Variants in CDYL observed in about 807,000 individuals in gnomAD.
CDYL encodes the protein chromodomain Y-like protein.
In CDYL, 8 loss-of-function variants were observed where a neutral mutation model predicts 47.3. The observed-to-expected ratio is 0.17, with a 90% confidence interval of 0.10 to 0.31. The LOEUF is 0.31. CDYL is among the 10% of genes least tolerant of loss of function. The pLI is 1.00. For synonymous variants in CDYL, 266 were observed against 265.0 expected, an observed-to-expected ratio of 1.00 and a Z score of -0.04; for missense variants, 471 against 701.4, an observed-to-expected ratio of 0.67 and a Z score of 3.71.
At chr6:4,796,640 AT>A (rs1291643366) in intron 1 of CDYL, among the ~76,000 whole-genome samples, 7 of 152,072 alleles carry the variant, frequency 4.6e-5, no homozygotes, top group Non-Finnish European at 7.4e-5. Context: ...CACTTAATGA[AT>A]TTTTCCCTTA....
intron 1 of CDYL, among the ~76,000 whole-genome samples, chr6:4,799,626 G>A (rs1442177433): frequency 6.6e-6 from 1 of 151,944 alleles, no homozygotes; most frequent in African/African-American, 2.4e-5. Context: ...TTGTAGAGAT[G>A]GGGTTTCATG....
chr6:4,827,316 A>G (rs768686666), intron 1 of CDYL, among the ~76,000 whole-genome samples: 27 of 152,154 alleles, frequency 1.8e-4, no homozygotes, highest in Non-Finnish European at 2.9e-5. Context: ...CACTTCTTCC[A>G]TGTTGCTATT....
chr6:4,779,784 A>G (rs59124798), intron 1 of CDYL, among the ~76,000 whole-genome samples: 3,470 of 152,236 alleles, frequency 0.023, 93 homozygotes, highest in South Asian at 0.11. Flanking sequence ...CATATTTTAG[A>G]CTTGTGGGTT....
intron 2 of CDYL, among the ~76,000 whole-genome samples, chr6:4,912,727 C>A (rs1310779513): frequency 6.6e-6 from 1 of 152,144 alleles, no homozygotes; most frequent in South Asian, 2.1e-4. Flanking sequence ...TCTGGTGGAG[C>A]CTCTTTGCTG....
At chr6:4,924,675 G>T (rs1421552519) in intron 2 of CDYL, among the ~76,000 whole-genome samples, 1 of 152,132 alleles carries the variant, frequency 6.6e-6, no homozygotes, top group Non-Finnish European at 1.5e-5. Flanking sequence ...ACATGGCTGT[G>T]AATAAATTTT....
At chr6:4,865,602 T>A (rs1316638539) in intron 1 of CDYL, among the ~76,000 whole-genome samples, 2 of 152,250 alleles carry the variant, frequency 1.3e-5, no homozygotes, top group Non-Finnish European at 2.9e-5. Flanking sequence ...TAAATACAGG[T>A]AAAATGTGTT....
chr6:4,899,267 G>T (rs1756936840), intron 2 of CDYL, among the ~76,000 whole-genome samples: 2 of 152,202 alleles, frequency 1.3e-5, no homozygotes, highest in Admixed American at 6.5e-5. Flanking sequence ...TAGGTTTGTG[G>T]CTGGGGCCTG....
chr6:4,891,574 C>T (rs1762040679), intron 1 of CDYL, 139 bp from the exon 2 acceptor site: 1 of 677,172 alleles, frequency 1.5e-6, no homozygotes, highest in Non-Finnish European at 2.5e-6. Flanking sequence ...TGGCCTATTA[C>T]TATTTTATTG....
intron 2 of CDYL, among the ~76,000 whole-genome samples, chr6:4,910,310 T>C (rs1475027831): frequency 6.6e-6 from 1 of 152,210 alleles, no homozygotes; most frequent in Non-Finnish European, 1.5e-5. Context: ...GTGACTCTGA[T>C]TTTTGTGTCT....
intron 1 of CDYL, among the ~76,000 whole-genome samples, chr6:4,710,741 C>T (rs1757136899): frequency 6.6e-6 from 1 of 152,144 alleles, no homozygotes; most frequent in Non-Finnish European, 1.5e-5. Flanking sequence ...TTCTCCCCTC[C>T]CCTACTCACA....
At chr6:4,819,146 CTCTCTCTCTCTCTCTCTGTG>C (rs1480124323) in intron 1 of CDYL, among the ~76,000 whole-genome samples, 12 of 141,428 alleles carry the variant, frequency 8.5e-5, no homozygotes, top group African/African-American at 3.5e-4. Context: ...CTCTCTCTCT[CTCTCTCTCTCTCTCTCTGTG>C]TGTGTGTGTG....
At chr6:4,816,380 A>C (rs73364542) in intron 1 of CDYL, among the ~76,000 whole-genome samples, 6,889 of 152,030 alleles carry the variant, frequency 0.045, 518 homozygotes, top group African/African-American at 0.16. Flanking sequence ...AAATAGCCCC[A>C]AGAAACTACT....
At chr6:4,927,931 A>AT (rs1757926152) in intron 2 of CDYL, among the ~76,000 whole-genome samples, 1 of 152,146 alleles carries the variant, frequency 6.6e-6, no homozygotes. Context: ...TATTTATTGA[A>AT]TGTTTTATAC....
At chr6:4,733,307 G>A (rs1451242423) in intron 2 of CDYL, 1 of 152,002 alleles carries the variant, frequency 6.6e-6, no homozygotes, top group Non-Finnish European at 1.5e-5. Context: ...TAACCTCAGG[G>A]TAAAAGCCAT....
intron 1 of CDYL, among the ~76,000 whole-genome samples, chr6:4,867,095 A>C (rs1326953411): frequency 6.6e-6 from 1 of 152,134 alleles, no homozygotes; most frequent in Non-Finnish European, 1.5e-5. Flanking sequence ...AATTTCTCAC[A>C]GATATCTTTT....
At chr6:4,792,824 G>A (rs1758963407) in intron 1 of CDYL, among the ~76,000 whole-genome samples, 1 of 152,140 alleles carries the variant, frequency 6.6e-6, no homozygotes, top group Non-Finnish European at 1.5e-5. Context: ...GCTTTCTACA[G>A]TATGAACTTT....
In CDYL at chr6:4,937,559, T is replaced by C; in HGVS notation, c.949-6T>C. ...CTTTGCCACTTTAACTTCTGGTGACTTTCAGGTAATGAGAGAAGTCCAGAG... is the reference window on the plus strand; with the variant it reads ...CTTTGCCACTTTAACTTCTGGTGACCTTCAGGTAATGAGAGAAGTCCAGAG... On this transcript the variant is annotated splice_polypyrimidine_tract_variant and splice_region_variant and intron_variant, in intron 3 of 6. Transcript: ENST00000397588. 1 of 1,527,122 alleles carries C rather than the reference T, an allele frequency of 6.5e-7. No homozygotes were observed. The highest frequency in any genetic ancestry group is 8.8e-7 in the Non-Finnish European group (1 of 1,138,416). 94.6% of individuals were successfully genotyped at this position (1,527,122 alleles called of 1,614,324 possible).
At chr6:4,828,691 T>C (rs1418835181) in intron 1 of CDYL, among the ~76,000 whole-genome samples, 1 of 152,204 alleles carries the variant, frequency 6.6e-6, no homozygotes, top group Non-Finnish European at 1.5e-5. Flanking sequence ...CCATTATTTA[T>C]TTAGATAATC....
intron 1 of CDYL, among the ~76,000 whole-genome samples, chr6:4,879,739 T>C (rs775509395): frequency 1.2e-4 from 18 of 152,116 alleles, no homozygotes; most frequent in Admixed American, 4.6e-4. Flanking sequence ...TTTGTATTTT[T>C]AGTAGAGGTG....
Sources: gnomAD v4.1 joint callset for allele counts (sites outside exome capture counted in the v4.1 genomes callset) on GRCh38, gnomAD v4.1.1 for gene constraint, MANE v1.5 for transcripts, NCBI Gene and HGNC (gene_info 2026-07-23, HGNC 2026-07-21) for gene names.